Variants in SNAP29 observed in about 807,000 individuals in gnomAD.
SNAP29 encodes the protein synaptosome associated protein 29, also known as synaptosomal-associated protein 29.
SNAP29 carries 13 observed loss-of-function variants against 27.9 expected under a neutral mutation model. The observed-to-expected ratio is 0.47, with a 90% CI of 0.30 to 0.74. The LOEUF (loss-of-function observed/expected upper bound fraction) is 0.74. Among genes scored for constraint, SNAP29 ranks in the 30% least tolerant of loss-of-function variants. SNAP29 has a pLI of 0.06. For synonymous variants in SNAP29, 119 were observed against 127.1 expected (o/e 0.94, Z 0.43); for missense variants, 368 against 336.5 (o/e 1.09, Z -0.73).
At chr22:20,885,355 A>C (rs1928987560) in intron 4 of SNAP29, among the ~76,000 whole-genome samples, 1 of 152,084 alleles carries the variant, frequency 6.6e-6, no homozygotes, top group Admixed American at 6.5e-5. Context: ...GAAGATGCAC[A>C]TGGAGTGTCT....
chr22:20,882,391 G>A (rs1259504014), intron 3 of SNAP29, among the ~76,000 whole-genome samples: 1 of 151,982 alleles, frequency 6.6e-6, no homozygotes, highest in African/African-American at 2.4e-5. Flanking sequence ...GGAATTTAGG[G>A]CTCCTGGGGC....
Position 20,888,635 on chromosome 22 carries a change from GC to G in SNAP29, c.*800del, listed in dbSNP as rs1929082203. 6.5e-6 allele frequency: 1 copy of G among 152,836 alleles called. No homozygotes were observed. 9.5% of individuals were successfully genotyped at this position (152,836 alleles called of 1,614,324 possible). On this transcript the variant is annotated 3_prime_UTR_variant, in exon 5 of 5. Coordinates refer to ENST00000215730, the MANE Select transcript of SNAP29 (RefSeq NM_004782.4). ...GCAACAGGTCTTCCACTGGCTCGAGGCTGCGAGGCTGACCGACAGGGGCGCC... is the reference window on the plus strand; with the variant it reads ...GCAACAGGTCTTCCACTGGCTCGAGGTGCGAGGCTGACCGACAGGGGCGCC...
chr22:20,878,244 A>G (rs916892672), intron 2 of SNAP29, among the ~76,000 whole-genome samples: 14 of 152,168 alleles, frequency 9.2e-5, no homozygotes, highest in African/African-American at 2.7e-4. Context: ...TGTTAAAGGT[A>G]AAGAAAAGCA....
chr22:20,865,867 A>T (rs760846376), intron 1 of SNAP29, among the ~76,000 whole-genome samples: 1 of 152,140 alleles, frequency 6.6e-6, no homozygotes, highest in Non-Finnish European at 1.5e-5. Context: ...TCAACCAAGG[A>T]CCCTCACTTA....
intron 1 of SNAP29, among the ~76,000 whole-genome samples, chr22:20,869,322 A>T (rs1928531302): frequency 6.6e-6 from 1 of 152,162 alleles, no homozygotes; most frequent in African/African-American, 2.4e-5. Context: ...CCTTTAGGGA[A>T]GATGTCTGGG....
At chr22:20,864,617 T>C (rs1410322770) in intron 1 of SNAP29, among the ~76,000 whole-genome samples, 3 of 152,054 alleles carry the variant, frequency 2.0e-5, no homozygotes, top group Non-Finnish European at 4.4e-5. Context: ...TTAGCAAAAG[T>C]TGATGGATGG....
Position 20,881,057 on chromosome 22 carries a change from A to T in SNAP29, c.443A>T (p.Glu148Val). Residue 148 changes from glutamate to valine, a missense_variant, in exon 3 of 5, where the codon GAA becomes GTA. Physicochemically the swap from Glu to Val is moderately radical, Grantham distance 121. Transcript: ENST00000215730. Reference protein sequence around the residue: ...LTSQPNNRLKEAISTSKEQEA... With the variant: ...LTSQPNNRLKVAISTSKEQEA... ...TGAACTTTTATCCAAAGATTGAAAGAAGCTATAAGTACAAGTAAAGAACAG... is the reference window on the plus strand; with the variant it reads ...TGAACTTTTATCCAAAGATTGAAAGTAGCTATAAGTACAAGTAAAGAACAG... 2 of 1,608,312 alleles carry T rather than the reference A, an allele frequency of 1.2e-6. No homozygotes were observed. Among genetic ancestry groups the T allele is most frequent in the Non-Finnish European group, 1.7e-6 (2 of 1,174,632 alleles).
At chr22:20,867,221 C>T (rs980110998) in intron 1 of SNAP29, among the ~76,000 whole-genome samples, 2 of 152,134 alleles carry the variant, frequency 1.3e-5, no homozygotes, top group Non-Finnish European at 1.5e-5. Flanking sequence ...TTTGCATGTG[C>T]GTCCTTTACA....
chr22:20,890,660 G>A lies in SNAP29; in HGVS notation c.*2824G>A, dbSNP rs1929129395. On this transcript the variant is annotated 3_prime_UTR_variant, in exon 5 of 5. Coordinates refer to ENST00000215730, the MANE Select transcript of SNAP29 (RefSeq NM_004782.4). ...TGTAGTCCCAGCTACTCAGGAGGCT[G>A]AGGCAGGAGAATGGCATGAACCTGG... 5.3e-6 allele frequency: 1 copy of A among 187,722 alleles called. No individual in the cohort carries two copies. Among genetic ancestry groups the A allele is most frequent in the Non-Finnish European group, 1.1e-5 (1 of 92,964 alleles). The allele number at this position is 187,722 out of a possible 1,614,324, so 11.6% of individuals were successfully genotyped here. A position where few individuals can be genotyped will look rare whatever the true frequency, so the allele number is the denominator to read the frequency against.
At chr22:20,867,980 C>G (rs2147862774) in intron 1 of SNAP29, among the ~76,000 whole-genome samples, 1 of 152,288 alleles carries the variant, frequency 6.6e-6, no homozygotes, top group Non-Finnish European at 1.5e-5. Flanking sequence ...AGTCCCCAAC[C>G]TGGCTGCTCT....
intron 1 of SNAP29, chr22:20,859,703 A>G: frequency 3.1e-6 from 1 of 322,888 alleles, no homozygotes; most frequent in East Asian, 7.5e-5. Flanking sequence ...TTTCTTCGAC[A>G]TTATTTCCTG....
At chr22:20,864,403 G>A (rs1341422321) in intron 1 of SNAP29, among the ~76,000 whole-genome samples, 2 of 152,150 alleles carry the variant, frequency 1.3e-5, no homozygotes, top group East Asian at 1.9e-4. Flanking sequence ...ATTCAGAGGT[G>A]GGAGAGAGGA....
rs374174492 is a variant in SNAP29, at chr22:20,870,368, G to A, written c.269G>A (p.Arg90His). 12 of 1,614,028 alleles carry A rather than the reference G, an allele frequency of 7.4e-6. No homozygotes were observed. The highest frequency in any genetic ancestry group is 1.7e-5 in the Admixed American group (1 of 60,002). The change falls in exon 2 of 5, where the codon CGC becomes CAC. Residue 90 changes from arginine to histidine, a missense_variant. Coordinates refer to ENST00000215730, the MANE Select transcript of SNAP29 (RefSeq NM_004782.4). ...ELARQRGVLERTEKMVDKMDQ... is the reference protein window; with the variant it reads ...ELARQRGVLEHTEKMVDKMDQ... Reference sequence around the variant, plus strand: ...GCCCGTCAGCGAGGAGTCCTGGAGCGCACAGAGAAGATGGTGGACAAGATG... The same window carrying A: ...GCCCGTCAGCGAGGAGTCCTGGAGCACACAGAGAAGATGGTGGACAAGATG...
intron 1 of SNAP29, among the ~76,000 whole-genome samples, chr22:20,866,989 A>G (rs560186157): frequency 6.6e-6 from 1 of 152,282 alleles, no homozygotes; most frequent in African/African-American, 2.4e-5. Flanking sequence ...CAGTGAAGCA[A>G]GGACTCATCT....
intron 3 of SNAP29, 103 bp from the exon 4 acceptor site, chr22:20,883,368 G>A (rs1022013985): frequency 3.1e-5 from 25 of 803,586 alleles, no homozygotes; most frequent in East Asian, 1.6e-4. Context: ...CAACCCCTTC[G>A]TTCCTTCCAC....
Position 20,881,125 on chromosome 22 carries a change from G to T in SNAP29, c.511G>T (p.Asp171Tyr). ...QASHPNLRKL[D>Y]DTDPVPRGAG... is the part of the protein sequence containing the mutation. ...CAGCCACCCAAACCTTAGAAAGCTG[G>T]ATGATACAGGTAAGTGGATACCTGT... The change falls in exon 3 of 5, where the codon GAT becomes TAT. Residue 171 changes from aspartate to tyrosine, a missense_variant. By Grantham distance (160) the Asp-to-Tyr change is radical (BLOSUM62 -3). Coordinates refer to ENST00000215730, the MANE Select transcript of SNAP29 (RefSeq NM_004782.4). 1 of 1,607,400 alleles carries T rather than the reference G, an allele frequency of 6.2e-7. No homozygotes were observed. The highest frequency in any genetic ancestry group is 8.5e-7 in the Non-Finnish European group (1 of 1,173,860).
intron 2 of SNAP29, among the ~76,000 whole-genome samples, chr22:20,874,353 A>C (rs1319721040): frequency 1.5e-3 from 3 of 2,066 alleles, no homozygotes; most frequent in Admixed American, 5.2e-3. Context: ...AATTAGCCAC[A>C]CACACACACA....
chr22:20,873,773 G>C (rs1012757830), intron 2 of SNAP29, among the ~76,000 whole-genome samples: 2 of 148,542 alleles, frequency 1.3e-5, no homozygotes, highest in Admixed American at 1.4e-4. Context: ...TGTGAGACCA[G>C]GCCAGCCAAC....
At chr22:20,882,588 A>C (rs570981442) in intron 3 of SNAP29, among the ~76,000 whole-genome samples, 1 of 152,208 alleles carries the variant, frequency 6.6e-6, no homozygotes, top group South Asian at 2.1e-4. Context: ...TAACATCATC[A>C]GCACAGTTCA....
Sources: allele counts gnomAD v4.1 joint callset (sites outside exome capture counted in the v4.1 genomes callset), GRCh38; gene constraint gnomAD v4.1.1; transcripts MANE v1.5; gene names NCBI Gene and HGNC (gene_info 2026-07-23, HGNC 2026-07-21).